Variants in GALNTL5 observed in about 807,000 individuals in gnomAD.
The protein encoded by GALNTL5 is inactive polypeptide N-acetylgalactosaminyltransferase-like protein 5.
GALNTL5 carries 44 observed loss-of-function variants against 51.0 expected under a neutral mutation model. The observed-to-expected ratio is 0.86, with a 90% confidence interval of 0.68 to 1.11. The LOEUF is 1.11. Among genes scored for constraint, GALNTL5 ranks in the 50% least tolerant of loss-of-function variants. GALNTL5 has a pLI of 0.00. For missense variants in GALNTL5, 528 were observed against 531.8 expected, an observed-to-expected ratio of 0.99 and a Z score of 0.07; for synonymous variants, 192 against 182.8, an observed-to-expected ratio of 1.05 and a Z score of -0.41.
chr7:151,978,713 A>G (rs2081236976), intron 3 of GALNTL5, among the ~76,000 whole-genome samples: 1 of 152,162 alleles, frequency 6.6e-6, no homozygotes, highest in Non-Finnish European at 1.5e-5. Context: ...CTGTAAAGAA[A>G]TTAGGCTCTG....
chr7:151,996,439 G>A (rs1330398449), intron 5 of GALNTL5, among the ~76,000 whole-genome samples: 2 of 151,966 alleles, frequency 1.3e-5, no homozygotes, highest in Non-Finnish European at 2.9e-5. Context: ...CAAAAAATTG[G>A]AAAGATACAG....
Position 151,986,377 on chromosome 7 carries a change from A to G in GALNTL5, c.536-782A>G, listed in dbSNP as rs374758553. Among the ~76,000 whole-genome samples, 38 of 152,334 alleles carry G rather than the reference A, an allele frequency of 2.5e-4. 1 individual carries two copies. The highest frequency in any genetic ancestry group is 9.1e-4 in the African/African-American group (38 of 41,574). On this transcript the variant is annotated intron_variant, in intron 4 of 8. Transcript: ENST00000392800. Reference sequence around the variant, plus strand: ...GGGCGAGGCGTGGTGGCTCACGCCTATAATCCCAGAACTTTGGGAGACCAA... The same window carrying G: ...GGGCGAGGCGTGGTGGCTCACGCCTGTAATCCCAGAACTTTGGGAGACCAA...
At chr7:151,979,092 A>T (rs1204973164) in intron 3 of GALNTL5, among the ~76,000 whole-genome samples, 3 of 148,308 alleles carry the variant, frequency 2.0e-5, no homozygotes, top group South Asian at 2.1e-4. Context: ...AAGGCCATCC[A>T]AATTACTTTT....
At chr7:152,000,259 A>G (rs1232762863) in intron 5 of GALNTL5, among the ~76,000 whole-genome samples, 2 of 152,346 alleles carry the variant, frequency 1.3e-5, no homozygotes, top group Admixed American at 6.5e-5. Context: ...GTCCGGTAGG[A>G]CTATCTAGAA....
intron 6 of GALNTL5, among the ~76,000 whole-genome samples, chr7:152,006,977 A>C (rs1220587421): frequency 6.6e-6 from 1 of 152,122 alleles, no homozygotes; most frequent in Non-Finnish European, 1.5e-5. Context: ...CATGTTGGCC[A>C]GGCTGGTCTT....
At chr7:152,010,319 G>T (rs2081714497) in intron 7 of GALNTL5, among the ~76,000 whole-genome samples, 1 of 152,040 alleles carries the variant, frequency 6.6e-6, no homozygotes, top group Non-Finnish European at 1.5e-5. Context: ...CACCATGTTG[G>T]CCAGGATGGT....
intron 1 of GALNTL5, among the ~76,000 whole-genome samples, chr7:151,957,281 T>C (rs7806828): frequency 0.22 from 32,588 of 151,430 alleles, 4,006 homozygotes; most frequent in Admixed American, 0.31. Context: ...TGGTAGCTCA[T>C]GCCTGTAATC....
At chr7:151,961,339 A>C (rs1214735162) in intron 1 of GALNTL5, among the ~76,000 whole-genome samples, 5 of 70,938 alleles carry the variant, frequency 7.0e-5, no homozygotes, top group African/African-American at 2.7e-4. Context: ...CCAACTCTAC[A>C]AAAAAAAAAA....
At position 151,967,225 on chromosome 7, in the gene GALNTL5, C is replaced by T. The variant is rs763092059; in HGVS notation, c.-22C>T. Reference sequence around the variant, plus strand: ...TGATTTAGGAAATTGAAAAATGGACCTTTGAAAATGCTAGATTTACAATGA... The same window carrying T: ...TGATTTAGGAAATTGAAAAATGGACTTTTGAAAATGCTAGATTTACAATGA... On this transcript the variant is annotated 5_prime_UTR_variant, in exon 2 of 9. Transcript: ENST00000392800. 1.2e-6 allele frequency: 2 copies of T among 1,600,230 alleles called. No homozygotes were observed. Among genetic ancestry groups the T allele is most frequent in the African/African-American group, 2.7e-5 (2 of 74,312 alleles).
chr7:151,969,371 C>T (rs1441525796), intron 2 of GALNTL5, among the ~76,000 whole-genome samples: 2 of 152,122 alleles, frequency 1.3e-5, no homozygotes, highest in Non-Finnish European at 2.9e-5. Flanking sequence ...AGAATAAATG[C>T]TCATTTTTTC....
chr7:151,963,482 C>T (rs771574621), intron 1 of GALNTL5, among the ~76,000 whole-genome samples: 4 of 152,216 alleles, frequency 2.6e-5, no homozygotes, highest in East Asian at 1.9e-4. Context: ...ACTGCAATCT[C>T]GGCCTCCCGG....
chr7:152,012,446 CTCT>C (rs1321515589), intron 7 of GALNTL5, among the ~76,000 whole-genome samples: 1 of 2,772 alleles, frequency 3.6e-4, no homozygotes, highest in Non-Finnish European at 5.7e-4. Flanking sequence ...GAATGCTATA[CTCT>C]GCTGCTGTGG....
At chr7:152,001,008 T>A (rs1171660748) in intron 5 of GALNTL5, among the ~76,000 whole-genome samples, 1 of 150,536 alleles carries the variant, frequency 6.6e-6, no homozygotes, top group African/African-American at 2.5e-5. Context: ...TGGGGTCAAG[T>A]GATTCTCCTG....
intron 5 of GALNTL5, among the ~76,000 whole-genome samples, chr7:151,991,305 C>T (rs1225148041): frequency 1.3e-5 from 2 of 152,152 alleles, no homozygotes; most frequent in Non-Finnish European, 2.9e-5. Flanking sequence ...GTTGGTCAGG[C>T]TGGTCTCAAG....
At chr7:151,961,647 G>C (rs963189191) in intron 1 of GALNTL5, among the ~76,000 whole-genome samples, 7 of 152,048 alleles carry the variant, frequency 4.6e-5, no homozygotes, top group African/African-American at 1.7e-4. Flanking sequence ...AGACGCTGAC[G>C]GTCCTAGAGC....
intron 3 of GALNTL5, among the ~76,000 whole-genome samples, chr7:151,972,739 G>A (rs2081160448): frequency 6.6e-6 from 1 of 152,228 alleles, no homozygotes; most frequent in Admixed American, 6.5e-5. Flanking sequence ...GTGGTGCACA[G>A]AAGACAAGAG....
rs188658261 is a variant in GALNTL5, at chr7:151,994,749, A to G, written c.658+7468A>G. 2.5e-4 allele frequency among the ~76,000 whole-genome samples: 31 copies of G among 121,768 alleles called. 1 individual carries two copies. In the East Asian group the frequency reaches 5.2e-3, roughly 21 times the overall value. 79.9% of individuals were successfully genotyped at this position (121,768 alleles called of 152,430 possible). On this transcript the variant is annotated intron_variant, in intron 5 of 8. Coordinates refer to ENST00000392800, the MANE Select transcript of GALNTL5 (RefSeq NM_145292.4). ...CAGACTCCTATCCCTCTCTATCATC[A>G]CCCTTACCCCCAATTTTTTTTTTTT...
intron 5 of GALNTL5, among the ~76,000 whole-genome samples, chr7:152,001,181 G>T (rs2151956121): frequency 6.6e-6 from 1 of 150,952 alleles, no homozygotes; most frequent in South Asian, 2.1e-4. Context: ...CCAAAGTGCT[G>T]GGATTACAGG....
chr7:151,992,573 C>T (rs2081440521), intron 5 of GALNTL5, among the ~76,000 whole-genome samples: 1 of 152,130 alleles, frequency 6.6e-6, no homozygotes, highest in African/African-American at 2.4e-5. Context: ...GTGTCTTTGT[C>T]TCCCCCAACC....
Sources: allele counts gnomAD v4.1 joint callset (sites outside exome capture counted in the v4.1 genomes callset), GRCh38; gene constraint gnomAD v4.1.1; transcripts MANE v1.5; gene names NCBI Gene and HGNC (gene_info 2026-07-23, HGNC 2026-07-21).